Variants in SLC44A5 observed in about 807,000 individuals in gnomAD.
The protein encoded by SLC44A5 is solute carrier family 44 member 5.
SLC44A5 carries 57 observed loss-of-function variants against 101.8 expected under a neutral mutation model. That is an observed-to-expected ratio of 0.56 (90% CI 0.45 to 0.70). SLC44A5 has a LOEUF of 0.70. SLC44A5 is among the 30% of genes least tolerant of loss of function. SLC44A5 has a pLI of 0.00. For synonymous variants in SLC44A5, 281 were observed against 290.9 expected (o/e 0.97, Z 0.35); for missense variants, 737 against 853.1 (o/e 0.86, Z 1.70).
intron 4 of SLC44A5, among the ~76,000 whole-genome samples, chr1:75,318,834 C>T (rs1655915941): frequency 6.6e-6 from 1 of 152,102 alleles, no homozygotes; most frequent in South Asian, 2.1e-4. Flanking sequence ...AACTGAGCAC[C>T]AGAATAAAAT....
At chr1:75,703,099 T>C in the SLC44A5 span, among the ~76,000 whole-genome samples, 2 of 150,922 alleles carry the variant, frequency 1.3e-5, no homozygotes, top group Non-Finnish European at 2.9e-5. Flanking sequence ...GAAGTCAGTG[T>C]GGCGATTCCT....
the SLC44A5 span, among the ~76,000 whole-genome samples, chr1:75,718,504 C>T: frequency 6.6e-6 from 1 of 152,134 alleles, no homozygotes; most frequent in Non-Finnish European, 1.5e-5. Flanking sequence ...ATAAAATGAT[C>T]TTGACACCTA....
At chr1:75,570,627 G>A (rs1397983320) in intron 1 of SLC44A5, among the ~76,000 whole-genome samples, 2 of 152,130 alleles carry the variant, frequency 1.3e-5, no homozygotes, top group Non-Finnish European at 2.9e-5. Context: ...ATGAGAATTT[G>A]TGCCAGAAAC....
the SLC44A5 span, among the ~76,000 whole-genome samples, chr1:75,707,562 C>T: frequency 6.6e-6 from 1 of 152,224 alleles, no homozygotes; most frequent in Non-Finnish European, 1.5e-5. Flanking sequence ...GCAGAACCTT[C>T]TGACCTTTGA....
the SLC44A5 span, among the ~76,000 whole-genome samples, chr1:75,716,725 A>G: frequency 0.91 from 137,968 of 152,192 alleles, 62,733 homozygotes; most frequent in Middle Eastern, 0.94. Flanking sequence ...CCCATCAACT[A>G]TAGACTGGAT....
intron 2 of SLC44A5, among the ~76,000 whole-genome samples, chr1:75,475,489 T>C (rs748752128): frequency 6.6e-6 from 1 of 152,262 alleles, no homozygotes; most frequent in Non-Finnish European, 1.5e-5. Flanking sequence ...CGATATTTTA[T>C]TATTACTTGT....
chr1:75,266,318 TAC>T lies in SLC44A5; in HGVS notation c.260+8638_260+8639del, dbSNP rs61250669. 1.0e-2 allele frequency among the ~76,000 whole-genome samples: 1,463 copies of T among 146,878 alleles called. 16 individuals carry two copies. Among genetic ancestry groups the T allele is most frequent in the East Asian group, 0.027 (135 of 4,912 alleles). ...GATGCATTTCATTTTGGCATAGAAA[TAC>T]ACACACACACACACACACACACACA... is the stretch of plus-strand genomic sequence containing the variant. On this transcript the variant is annotated intron_variant, in intron 6 of 23. Coordinates refer to ENST00000370859, the MANE Select transcript of SLC44A5 (RefSeq NM_001130058.2).
intron 1 of SLC44A5, among the ~76,000 whole-genome samples, chr1:75,607,083 G>T (rs960212442): frequency 6.6e-6 from 1 of 151,828 alleles, no homozygotes; most frequent in Non-Finnish European, 1.5e-5. Context: ...TACATATCCA[G>T]CTTCCTACTT....
intron 3 of SLC44A5, among the ~76,000 whole-genome samples, chr1:75,388,594 C>G (rs947053496): frequency 6.6e-6 from 1 of 151,956 alleles, no homozygotes; most frequent in African/African-American, 2.4e-5. Flanking sequence ...TCCTGGCTAA[C>G]GTGGTGAAAC....
In SLC44A5 at chr1:75,397,115, C is replaced by T. The variant is rs190168123; in HGVS notation, c.14-494G>A. Among the ~76,000 whole-genome samples the T allele has an allele frequency of 6.6e-5, 10 of 152,278 alleles. No homozygotes were observed. The East Asian group carries it at 1.7e-3, about 26-fold the overall frequency. On this transcript the variant is annotated intron_variant, in intron 2 of 23. Coordinates refer to ENST00000370859, the MANE Select transcript of SLC44A5 (RefSeq NM_001130058.2). ...TATATTTTGAATTCAGCAGTCCCAC[C>T]TTAATCACACTACGTGTGGCCTTTA...
At chr1:75,600,732 C>T (rs1045046021) in intron 1 of SLC44A5, among the ~76,000 whole-genome samples, 9 of 152,000 alleles carry the variant, frequency 5.9e-5, no homozygotes, top group African/African-American at 2.2e-4. Flanking sequence ...TTATGATTGT[C>T]TAGAGTATTT....
chr1:75,350,327 C>G (rs1021033000), intron 3 of SLC44A5, among the ~76,000 whole-genome samples: 24 of 151,232 alleles, frequency 1.6e-4, no homozygotes, highest in Non-Finnish European at 1.3e-4. Context: ...GAAGAGGGCA[C>G]TCAACCAGAA....
At chr1:75,576,124 A>G (rs1673347339) in intron 1 of SLC44A5, among the ~76,000 whole-genome samples, 1 of 151,592 alleles carries the variant, frequency 6.6e-6, no homozygotes, top group Non-Finnish European at 1.5e-5. Context: ...GGGGAGTGGG[A>G]GAGAGAGAGA....
At chr1:75,510,581 G>T (rs1016632914) in intron 2 of SLC44A5, among the ~76,000 whole-genome samples, 1 of 152,072 alleles carries the variant, frequency 6.6e-6, no homozygotes, top group African/African-American at 2.4e-5. Flanking sequence ...AGGCAAACAG[G>T]AAATGAAAAC....
At chr1:75,687,285 T>C in the SLC44A5 span, among the ~76,000 whole-genome samples, 3 of 152,150 alleles carry the variant, frequency 2.0e-5, no homozygotes, top group South Asian at 4.2e-4. Flanking sequence ...TCCACAGTGC[T>C]GAAAAATCTT....
chr1:75,463,345 G>A (rs1299632565), intron 2 of SLC44A5, among the ~76,000 whole-genome samples: 2 of 151,160 alleles, frequency 1.3e-5, no homozygotes, highest in African/African-American at 4.9e-5. Context: ...GCGTGAACCT[G>A]GGAGGCGGAG....
At chr1:75,718,153 T>G in the SLC44A5 span, among the ~76,000 whole-genome samples, 1 of 152,218 alleles carries the variant, frequency 6.6e-6, no homozygotes, top group Non-Finnish European at 1.5e-5. Context: ...AAACGGACAT[T>G]GTATCTGACC....
At chr1:75,211,629 G>T in intron 22 of SLC44A5, 77 bp from the exon 23 acceptor site, 1 of 1,107,754 alleles carries the variant, frequency 9.0e-7, no homozygotes, top group Non-Finnish European at 1.4e-6. Flanking sequence ...ATAAATGAAA[G>T]CCATGATGAG....
chr1:75,396,085 A>G (rs1281944380), intron 3 of SLC44A5, among the ~76,000 whole-genome samples: 2 of 152,016 alleles, frequency 1.3e-5, no homozygotes, highest in East Asian at 1.9e-4. Flanking sequence ...TGAATTTCCA[A>G]CTCCCAGGTC....
Sources: gnomAD v4.1 joint callset for allele counts (sites outside exome capture counted in the v4.1 genomes callset) on GRCh38, gnomAD v4.1.1 for gene constraint, MANE v1.5 for transcripts, NCBI Gene and HGNC (gene_info 2026-07-23, HGNC 2026-07-21) for gene names.